Variants in CCDC158 observed in about 807,000 individuals in gnomAD.
CCDC158 encodes the protein coiled-coil domain containing 158, also known as coiled-coil domain-containing protein 158.
In CCDC158, 116 loss-of-function variants were observed where a neutral mutation model predicts 138.6. That is an observed-to-expected ratio of 0.84 (90% CI 0.72 to 0.98). The LOEUF (loss-of-function observed/expected upper bound fraction) is 0.98, where lower values mean the gene tolerates loss of function less well. Ranked by LOEUF, CCDC158 falls within the 50% of genes least tolerant of loss-of-function variation. CCDC158 has a pLI of 0.00. For synonymous variants in CCDC158, 436 were observed against 442.4 expected (o/e 0.99, Z 0.18); for missense variants, 1,265 against 1,306.1 (o/e 0.97, Z 0.48).
At chr4:76,370,746 T>C (rs1022198261) in intron 10 of CCDC158, among the ~76,000 whole-genome samples, 5 of 152,158 alleles carry the variant, frequency 3.3e-5, no homozygotes, top group Non-Finnish European at 5.9e-5. Context: ...CATGCAAATG[T>C]TAGGTAAAGA....
intron 21 of CCDC158, among the ~76,000 whole-genome samples, chr4:76,329,460 T>C (rs1720825938): frequency 6.6e-6 from 1 of 152,108 alleles, no homozygotes; most frequent in South Asian, 2.1e-4. Flanking sequence ...GGCGGGAACC[T>C]GTAGTCCCGG....
intron 13 of CCDC158, among the ~76,000 whole-genome samples, chr4:76,360,677 T>C (rs1311013117): frequency 6.6e-6 from 1 of 152,216 alleles, no homozygotes; most frequent in South Asian, 2.1e-4. Flanking sequence ...TTTGGCCAAT[T>C]TATCTCTTTT....
At chr4:76,364,816 T>C (rs7678264) in intron 12 of CCDC158, among the ~76,000 whole-genome samples, 96,216 of 152,156 alleles carry the variant, frequency 0.63, 30,858 homozygotes, top group East Asian at 0.8. Context: ...TGGAGACCAA[T>C]GATACATCTG....
At position 76,318,876 on chromosome 4, in the gene CCDC158, T is replaced by A. The variant is rs191229670; in HGVS notation, c.3277+4426A>T. Among the ~76,000 whole-genome samples the A allele has an allele frequency of 1.1e-4, 16 of 152,322 alleles. No homozygotes were observed. In the East Asian group the frequency reaches 2.7e-3, roughly 26 times the overall value. ...CGGGTGCAGTGGCTCACACCTGCAA[T>A]CCCAGCACTTTGGGAGGCCAAGGTG... On this transcript the variant is annotated intron_variant, in intron 24 of 24. Coordinates refer to ENST00000682701, the MANE Select transcript of CCDC158 (RefSeq NM_001394954.1).
At chr4:76,414,209 T>G (rs1428436129) in intron 1 of CCDC158, 1 of 143,680 alleles carries the variant, frequency 7.0e-6, no homozygotes, top group East Asian at 1.9e-4. Context: ...CCCAGCTAAG[T>G]TTTTTTCCTT....
At chr4:76,402,614 A>G (rs1485198209) in intron 3 of CCDC158, among the ~76,000 whole-genome samples, 3 of 105,742 alleles carry the variant, frequency 2.8e-5, no homozygotes, top group Non-Finnish European at 6.6e-5. Flanking sequence ...AATTCCAACT[A>G]TTTATTCCAT....
At chr4:76,315,897 A>G (rs1460091276) in intron 24 of CCDC158, among the ~76,000 whole-genome samples, 1 of 152,206 alleles carries the variant, frequency 6.6e-6, no homozygotes, top group Non-Finnish European at 1.5e-5. Flanking sequence ...GCTCTCAGGA[A>G]GGCCCATCCC....
chr4:76,415,194 T>C (rs1729595269), intron 1 of CCDC158, among the ~76,000 whole-genome samples: 1 of 152,204 alleles, frequency 6.6e-6, no homozygotes, highest in African/African-American at 2.4e-5. Flanking sequence ...AAGAGTCTGG[T>C]AGCATTTTGC....
chr4:76,346,447 C>T (rs767881773), intron 18 of CCDC158, among the ~76,000 whole-genome samples: 4 of 152,216 alleles, frequency 2.6e-5, no homozygotes, highest in African/African-American at 7.2e-5. Context: ...TGCAGTGGCT[C>T]ACGCCTGTAA....
chr4:76,362,081 C>T lies in CCDC158; in HGVS notation c.2020+45G>A, dbSNP rs535880570. ...GCTAGGGTCTACATTGGCTTCACTG[C>T]TAAGACTCTTATTTTTTAGTAGGAT... is the stretch of plus-strand genomic sequence containing the variant. On this transcript the variant is annotated intron_variant, in intron 13 of 24. Transcript: ENST00000682701. The T allele has an allele frequency of 2.4e-5, 38 of 1,561,314 alleles. No homozygotes were observed. The East Asian group carries it at 7.0e-4, about 29-fold the overall frequency.
chr4:76,389,221 A>C (rs888901866), intron 4 of CCDC158, among the ~76,000 whole-genome samples: 1 of 152,152 alleles, frequency 6.6e-6, no homozygotes, highest in African/African-American at 2.4e-5. Context: ...GACAACTCAG[A>C]GAAAGAATTC....
At chr4:76,316,194 T>G (rs1719369976) in intron 24 of CCDC158, among the ~76,000 whole-genome samples, 1 of 152,076 alleles carries the variant, frequency 6.6e-6, no homozygotes, top group Non-Finnish European at 1.5e-5. Context: ...AAAAACCAAC[T>G]TAAAGAAATC....
chr4:76,347,777 G>C (rs1295070040), intron 18 of CCDC158, among the ~76,000 whole-genome samples: 1 of 152,002 alleles, frequency 6.6e-6, no homozygotes, highest in African/African-American at 2.4e-5. Flanking sequence ...TTCACATACA[G>C]TGTCCAGACT....
chr4:76,332,621 A>G (rs1379044098), intron 19 of CCDC158, 130 bp from the exon 20 acceptor site: 3 of 610,914 alleles, frequency 4.9e-6, no homozygotes, highest in Non-Finnish European at 8.1e-6. Context: ...TAGGCCTCCA[A>G]GCAAATTTTG....
chr4:76,325,653 T>C (rs928326291), intron 23 of CCDC158, among the ~76,000 whole-genome samples: 3 of 152,234 alleles, frequency 2.0e-5, no homozygotes, highest in African/African-American at 7.2e-5. Context: ...AATGTTTACA[T>C]ATAATATCTA....
chr4:76,331,139 A>C (rs1313273403), intron 21 of CCDC158, among the ~76,000 whole-genome samples: 1 of 152,198 alleles, frequency 6.6e-6, no homozygotes, highest in African/African-American at 2.4e-5. Context: ...AGAAAAGACA[A>C]AAGTAAGTTT....
At chr4:76,357,555 G>T (rs1309791752) in intron 13 of CCDC158, 29 bp from the exon 14 acceptor site, 22 of 1,374,480 alleles carry the variant, frequency 1.6e-5, no homozygotes, top group East Asian at 2.6e-5. Context: ...AATAATAGAT[G>T]GTTACTTTTT....
chr4:76,393,165 G>A (rs1438590064), intron 4 of CCDC158, among the ~76,000 whole-genome samples: 1 of 151,900 alleles, frequency 6.6e-6, no homozygotes, highest in African/African-American at 2.4e-5. Flanking sequence ...AAAAGACACA[G>A]AATGGCCAAA....
intron 4 of CCDC158, among the ~76,000 whole-genome samples, chr4:76,391,066 T>C (rs1224934086): frequency 6.6e-6 from 1 of 151,946 alleles, no homozygotes; most frequent in Admixed American, 6.6e-5. Flanking sequence ...CAGGACTGGA[T>C]AGATCATTCA....
Sources: gnomAD v4.1 joint callset for allele counts (sites outside exome capture counted in the v4.1 genomes callset) on GRCh38, gnomAD v4.1.1 for gene constraint, MANE v1.5 for transcripts, NCBI Gene and HGNC (gene_info 2026-07-23, HGNC 2026-07-21) for gene names.